Variants in LBX2 observed in about 807,000 individuals in gnomAD.
LBX2 encodes the protein ladybird homeobox 2, also known as transcription factor LBX2.
Under a neutral mutation model 7.5 loss-of-function variants are expected in LBX2, and 6 were observed. The observed-to-expected ratio is 0.80, with a 90% CI of 0.44 to 1.59. The LOEUF (loss-of-function observed/expected upper bound fraction) is 1.59, where lower values mean the gene tolerates loss of function less well. Ranked by LOEUF, LBX2 falls within the 40% of genes most tolerant of loss-of-function variation. The pLI is 0.01. For missense variants in LBX2, 281 were observed against 282.0 expected (o/e 1.00, Z 0.03); for synonymous variants, 143 against 133.2 (o/e 1.07, Z -0.51).
upstream of LBX2, chr2:74,502,479 C>G: frequency 1.6e-6 from 1 of 612,870 alleles, no homozygotes; most frequent in Non-Finnish European, 2.9e-6. This position sits in a 1 kb window ranked among gnomAD's most constrained non-coding sequence, Gnocchi z 5.4. Context: ...GAGCTTGCTC[C>G]CCTCCTCCCC....
chr2:74,498,927 G>C (rs1454369421), intron 1 of LBX2: 1 of 238,618 alleles, frequency 4.2e-6, no homozygotes, highest in Non-Finnish European at 8.2e-6. Context: ...GAGTGGCTTG[G>C]AGCGGAGCTT....
chr2:74,497,786 C>T lies in LBX2; in HGVS notation c.*141G>A. 5 of 913,912 alleles carry T rather than the reference C, an allele frequency of 5.5e-6. No individual in the cohort carries two copies. Among genetic ancestry groups the T allele is most frequent in the Non-Finnish European group, 7.9e-6 (5 of 631,744 alleles). The allele number at this position is 913,912 out of a possible 1,614,324, so 56.6% of individuals were successfully genotyped here. ...CAACAAAACAAACTTACAAAAAAAC[C>T]GGGAAAGGTGAGCGTCTGGACTGTG... On this transcript the variant is annotated 3_prime_UTR_variant, in exon 2 of 2. Transcript: ENST00000377566.
At chr2:74,502,843 G>A (rs1674525333), upstream of LBX2, 2 of 1,605,138 alleles carry the variant, frequency 1.2e-6, no homozygotes, top group African/African-American at 1.3e-5. The surrounding 1 kb of genome is among the most constrained non-coding windows in gnomAD (Gnocchi z 5.4). Flanking sequence ...CACTTCTAGG[G>A]AAGTCCTTTT....
upstream of LBX2, chr2:74,502,313 G>C (rs1455576653): frequency 7.3e-5 from 20 of 274,364 alleles, no homozygotes; most frequent in East Asian, 1.0e-3. The surrounding 1 kb of genome is among the most constrained non-coding windows in gnomAD (Gnocchi z 5.4). Flanking sequence ...GCTCGACCCC[G>C]TTCCCCACTG....
At chr2:74,502,595 T>C, upstream of LBX2, 1 of 1,499,344 alleles carries the variant, frequency 6.7e-7, no homozygotes, top group African/African-American at 1.4e-5. The surrounding 1 kb of genome is among the most constrained non-coding windows in gnomAD (Gnocchi z 5.4). Flanking sequence ...TCCCGCACAC[T>C]TCTGGGATTG....
At position 74,498,107 on chromosome 2, in the gene LBX2, C is replaced by T. The variant is rs559124829; in HGVS notation, c.417G>A (p.Lys139=). Residue 139 remains lysine, a synonymous_variant, in exon 2 of 2, where the codon AAG becomes AAA. Coordinates refer to ENST00000377566, the MANE Select transcript of LBX2 (RefSeq NM_001282430.2). ...VVTWFQNRRA[K]LKRDVEEMRA... The stretch of plus-strand genomic sequence containing the variant: ...GCATCTCCTCCACATCGCGCTTGAG[C>T]TTGGCTCGCCGGTTCTGGAACCAAG... 1.2e-6 allele frequency: 2 copies of T among 1,612,980 alleles called. No homozygotes were observed. Among genetic ancestry groups the T allele is most frequent in the East Asian group, 2.2e-5 (1 of 44,866 alleles).
chr2:74,502,629 T>G, upstream of LBX2: 1 of 1,595,686 alleles, frequency 6.3e-7, no homozygotes, highest in Non-Finnish European at 8.6e-7. The surrounding 1 kb of genome is among the most constrained non-coding windows in gnomAD (Gnocchi z 5.4). Flanking sequence ...AAAGCGCTAC[T>G]GCGGAGTGAA....
Position 74,499,295 on chromosome 2 carries a change from AG to A in LBX2, c.205+37del. ...AACCAGGAGGAGAGAGGTGAGGAAA[AG>A]GCTAAGTCAGAGTCCGCGACCTTGC... On this transcript the variant is annotated intron_variant, in intron 1 of 1. Coordinates refer to ENST00000377566, the MANE Select transcript of LBX2 (RefSeq NM_001282430.2). The surrounding 1 kb of genome is among the most constrained non-coding windows in gnomAD (Gnocchi z 4.6). 1 of 1,511,618 alleles carries A rather than the reference AG, an allele frequency of 6.6e-7. No individual in the cohort carries two copies. The highest frequency in any genetic ancestry group is 9.0e-7 in the Non-Finnish European group (1 of 1,111,918). The allele number at this position is 1,511,618 out of a possible 1,614,324, so 93.6% of individuals were successfully genotyped here. A position where few individuals can be genotyped will look rare whatever the true frequency, so the allele number is the denominator to read the frequency against.
upstream of LBX2, among the ~76,000 whole-genome samples, chr2:74,500,590 C>A (rs576178509): frequency 1.3e-5 from 2 of 152,178 alleles, no homozygotes; most frequent in Non-Finnish European, 2.9e-5. Flanking sequence ...CTGGTATACT[C>A]ATTCCTATTT....
At position 74,497,962 on chromosome 2, in the gene LBX2, G is replaced by A. The variant is rs999334464; in HGVS notation, c.562C>T (p.His188Tyr). ...ACCTGTATCTCCTCGTCTGACAGGT[G>A]GGGCCGGGAGTCAGGGCCGGCAGGG... ...LGPAGPDSRP[H>Y]LSDEEIQVDD is the part of the protein sequence containing the mutation. The change falls in exon 2 of 2, where the codon CAC (histidine) becomes TAC (tyrosine). Residue 188 changes from histidine (H) to tyrosine (Y), a missense_variant. By Grantham distance (83) the His-to-Tyr change is moderately conservative. This residue lies in a region of LBX2 where 59 missense variants were observed against 52.9 expected (regional missense o/e 1.11). Transcript: ENST00000377566. The A allele has an allele frequency of 6.3e-7, 1 of 1,598,320 alleles. No homozygotes were observed. Among genetic ancestry groups the A allele is most frequent in the Non-Finnish European group, 8.5e-7 (1 of 1,170,330 alleles).
chr2:74,498,101 C>G lies in LBX2; in HGVS notation c.423G>C (p.Lys141Asn), dbSNP rs1173824635. ...CGGCGCGCATCTCCTCCACATCGCG[C>G]TTGAGCTTGGCTCGCCGGTTCTGGA... ...TWFQNRRAKL[K>N]RDVEEMRADV... The change falls in exon 2 of 2, where the codon AAG (lysine) becomes AAC (asparagine). Residue 141 changes from lysine (K) to asparagine (N), a missense_variant. Coordinates refer to ENST00000377566, the MANE Select transcript of LBX2 (RefSeq NM_001282430.2). 1 of 1,613,056 alleles carries G rather than the reference C, an allele frequency of 6.2e-7. No individual in the cohort carries two copies. The highest frequency in any genetic ancestry group is 1.7e-5 in the Admixed American group (1 of 59,962).
Position 74,497,837 on chromosome 2 carries a change from C to G in LBX2, c.*90G>C. On this transcript the variant is annotated 3_prime_UTR_variant, in exon 2 of 2. Transcript: ENST00000377566. ...GGCCGGAAGAGGCCCAAGTGGACCT[C>G]CTTCCTCCACCCTGGAACTCTGGCC... 1 of 1,382,940 alleles carries G rather than the reference C, an allele frequency of 7.2e-7. No individual in the cohort carries two copies. Among genetic ancestry groups the G allele is most frequent in the Non-Finnish European group, 9.6e-7 (1 of 1,041,240 alleles). The allele number at this position is 1,382,940 out of a possible 1,614,324, so 85.7% of individuals were successfully genotyped here.
chr2:74,501,981 C>G (rs1674494116), upstream of LBX2: 1 of 151,934 alleles, frequency 6.6e-6, no homozygotes, highest in South Asian at 2.1e-4. Context: ...CACGATCCTT[C>G]TCAAGAGATG....
At chr2:74,503,087 G>A (rs532374263), upstream of LBX2, 1 of 486,962 alleles carries the variant, frequency 2.1e-6, no homozygotes, top group Admixed American at 3.9e-5. The surrounding 1 kb of genome is among the most constrained non-coding windows in gnomAD (Gnocchi z 5.1). Flanking sequence ...CCCTGGGGTG[G>A]TCCTGCCGCC....
Position 74,498,211 on chromosome 2 carries a change from C to T in LBX2, c.313G>A (p.Val105Ile), listed in dbSNP as rs770563837. ...GACGGCGCCAGGTACTTCTGGAAGACGAAGCGCCGCTCCAGCTCCAGCACC... is the reference window on the plus strand; with the variant it reads ...GACGGCGCCAGGTACTTCTGGAAGATGAAGCGCCGCTCCAGCTCCAGCACC... ...QQVLELERRF[V>I]FQKYLAPSER... The change falls in exon 2 of 2, where the codon GTC becomes ATC. Residue 105 changes from valine (V) to isoleucine (I), a missense_variant. Val to Ile is a conservative substitution (Grantham distance 29). Transcript: ENST00000377566. The T allele has an allele frequency of 6.2e-7, 1 of 1,610,810 alleles. No individual in the cohort carries two copies. The highest frequency in any genetic ancestry group is 2.2e-5 in the East Asian group (1 of 44,866).
intron 1 of LBX2, chr2:74,498,791 C>T (rs1170369326): frequency 1.0e-5 from 2 of 195,216 alleles, no homozygotes; most frequent in Non-Finnish European, 2.1e-5. Flanking sequence ...TTAGTGACAC[C>T]AGAGCCCGCT....
Position 74,499,515 on chromosome 2 carries a change from C to G in LBX2, c.23G>C (p.Arg8Pro). The change falls in exon 1 of 2, where the codon CGA becomes CCA. Residue 8 changes from arginine (R) to proline (P), a missense_variant. Around this residue, in one of 3 missense-constraint regions of LBX2, gnomAD observed 216 missense variants for 208.7 expected, o/e 1.03. Transcript: ENST00000377566. This position sits in a 1 kb window ranked among gnomAD's most constrained non-coding sequence, Gnocchi z 4.6. The stretch of plus-strand genomic sequence containing the variant: ...GATGCTTAAGAGTGTCCGGGGTGTT[C>G]GGGGCTCGCGTCCCGAGTTCATGGT... MNSGREP[R>P]TPRTLLSIAD... 6.5e-7 allele frequency: 1 copy of G among 1,548,928 alleles called. No homozygotes were observed.
chr2:74,500,910 T>C (rs1416865288), upstream of LBX2, among the ~76,000 whole-genome samples: 1 of 152,210 alleles, frequency 6.6e-6, no homozygotes, highest in East Asian at 1.9e-4. Flanking sequence ...CCTCCTGGAC[T>C]GTCCATTATG....
upstream of LBX2, among the ~76,000 whole-genome samples, chr2:74,500,358 A>G (rs1271747006): frequency 6.6e-6 from 1 of 152,094 alleles, no homozygotes; most frequent in Non-Finnish European, 1.5e-5. Context: ...GACTGGCAAA[A>G]TCAGTCGATT....
Sources: allele counts gnomAD v4.1 joint callset (sites outside exome capture counted in the v4.1 genomes callset), GRCh38; gene constraint gnomAD v4.1.1; regional missense constraint gnomAD v4.1.1; non-coding constraint Gnocchi (gnomAD v3.1); transcripts MANE v1.5; gene names NCBI Gene and HGNC (gene_info 2026-07-23, HGNC 2026-07-21).